KLHL13: variants seen among roughly 807,000 people sequenced by gnomAD.
KLHL13 encodes the protein kelch-like protein 13.
KLHL13 carries 10 observed loss-of-function variants against 37.1 expected under a neutral mutation model. The ratio of observed to expected loss-of-function variants is 0.27; its 90% CI spans 0.17 to 0.46. KLHL13 has a LOEUF of 0.46. KLHL13 is among the 20% of genes least tolerant of loss of function. KLHL13 has a pLI of 1.00. For synonymous variants in KLHL13, 163 were observed against 181.2 expected, an observed-to-expected ratio of 0.90 and a Z score of 0.81; for missense variants, 360 against 509.3, an observed-to-expected ratio of 0.71 and a Z score of 2.82.
intron 1 of KLHL13, among the ~76,000 whole-genome samples, chrX:117,987,134 G>T (rs2053736308): frequency 9.0e-6 from 1 of 111,623 alleles, no homozygotes; most frequent in Non-Finnish European, 1.9e-5. Flanking sequence ...AAATTCCAGG[G>T]AATCGATGAG....
At position 118,089,588 on chromosome X, in the gene KLHL13, A is replaced by AAGAGAGAG. The variant is rs199722513; in HGVS notation, c.-56+26912_-56+26919dup. On this transcript the variant is annotated intron_variant, in intron 1 of 6. Transcript: ENST00000371882. ...AAATAGAAGAAAGAAAAGAAAAGAA[A>AAGAGAGAG]AGAGAGAGAGAGAGAGAGAGAGAGA... is the stretch of plus-strand genomic sequence containing the variant. Among the ~76,000 whole-genome samples the AAGAGAGAG allele has an allele frequency of 3.7e-5, 3 of 80,148 alleles. No homozygotes were observed. In the East Asian group the frequency reaches 1.1e-3, roughly 29 times the overall value. 69.6% of individuals were successfully genotyped at this position (80,148 alleles called of 115,157 possible).
chrX:118,115,869 T>C (rs2055462667), intron 1 of KLHL13, among the ~76,000 whole-genome samples: 2 of 112,563 alleles, frequency 1.8e-5, no homozygotes, highest in Non-Finnish European at 3.8e-5. Context: ...GGCTATTTAG[T>C]GAAGGAATGA....
chrX:117,936,227 A>G (rs1246790575), intron 2 of KLHL13, among the ~76,000 whole-genome samples: 3 of 111,912 alleles, frequency 2.7e-5, no homozygotes, highest in African/African-American at 9.7e-5. Flanking sequence ...ACTTAAGCTA[A>G]CCTTAGTTAA....
chrX:118,027,217 C>A (rs1602663315), intron 1 of KLHL13, among the ~76,000 whole-genome samples: 4 of 111,705 alleles, frequency 3.6e-5, no homozygotes, highest in Middle Eastern at 4.6e-3. Context: ...GAAAGTCCTT[C>A]TTCACCATAA....
intron 1 of KLHL13, among the ~76,000 whole-genome samples, chrX:118,055,124 G>A (rs189088298): frequency 2.7e-4 from 30 of 111,630 alleles, no homozygotes; most frequent in African/African-American, 8.5e-4. Flanking sequence ...CTGAATAAAG[G>A]TAACAGTTTT....
At chrX:117,904,845 T>C (rs1930393455) in intron 5 of KLHL13, among the ~76,000 whole-genome samples, 1 of 111,564 alleles carries the variant, frequency 9.0e-6, no homozygotes, top group South Asian at 3.7e-4. Context: ...GCCCCTAATC[T>C]AGAGAATTAA....
At chrX:117,915,000 C>T (rs910955182) in intron 4 of KLHL13, among the ~76,000 whole-genome samples, 4 of 111,481 alleles carry the variant, frequency 3.6e-5, no homozygotes, top group African/African-American at 6.5e-5. Flanking sequence ...CCATAAGCAA[C>T]GGGGATGGCC....
chrX:117,922,026 T>C (rs1244323973), intron 2 of KLHL13, among the ~76,000 whole-genome samples: 1 of 112,135 alleles, frequency 8.9e-6, no homozygotes, highest in Non-Finnish European at 1.9e-5. Flanking sequence ...ACATTATATA[T>C]CCTATGCCAC....
chrX:118,005,597 G>T (rs965067147), intron 1 of KLHL13, among the ~76,000 whole-genome samples: 1 of 111,597 alleles, frequency 9.0e-6, no homozygotes, highest in African/African-American at 3.3e-5. Context: ...AGAGGTTCAA[G>T]TGAGGAGATG....
intron 1 of KLHL13, among the ~76,000 whole-genome samples, chrX:118,029,619 A>T (rs941007442): frequency 8.9e-6 from 1 of 112,503 alleles, no homozygotes; most frequent in African/African-American, 3.2e-5. Context: ...TGTTAATAAA[A>T]TCAATTTATT....
chrX:118,047,638 A>G (rs756076217), intron 1 of KLHL13, among the ~76,000 whole-genome samples: 3 of 112,188 alleles, frequency 2.7e-5, no homozygotes, highest in Non-Finnish European at 5.6e-5. Flanking sequence ...TAATAGAAAC[A>G]GGAAACAAAT....
intron 1 of KLHL13, among the ~76,000 whole-genome samples, chrX:118,067,356 G>A (rs987470352): frequency 8.9e-6 from 1 of 111,762 alleles, no homozygotes; most frequent in Non-Finnish European, 1.9e-5. Flanking sequence ...GAGTCAGTAA[G>A]TGAGTGGTAA....
intron 1 of KLHL13, among the ~76,000 whole-genome samples, chrX:118,049,293 G>A (rs1440904366): frequency 3.6e-5 from 4 of 111,500 alleles, no homozygotes; most frequent in African/African-American, 6.5e-5. Flanking sequence ...TGCTAAACAC[G>A]ACAAAATCAA....
chrX:118,088,712 A>G (rs2055082364), intron 1 of KLHL13, among the ~76,000 whole-genome samples: 1 of 112,158 alleles, frequency 8.9e-6, no homozygotes, highest in Non-Finnish European at 1.9e-5. Flanking sequence ...CTTACGAAAA[A>G]GTCAGCAAGG....
intron 1 of KLHL13, among the ~76,000 whole-genome samples, chrX:118,064,161 A>G (rs929758933): frequency 8.9e-6 from 1 of 111,984 alleles, no homozygotes; most frequent in African/African-American, 3.2e-5. Flanking sequence ...TTATGTAACT[A>G]TTACATAAAG....
At chrX:117,902,900 G>C (rs908315086) in intron 5 of KLHL13, among the ~76,000 whole-genome samples, 2 of 110,616 alleles carry the variant, frequency 1.8e-5, no homozygotes, top group African/African-American at 6.6e-5. Flanking sequence ...ACACTGCTTA[G>C]GGAAGCACTA....
chrX:117,928,913 T>G (rs1326026826), intron 2 of KLHL13, among the ~76,000 whole-genome samples: 3 of 111,336 alleles, frequency 2.7e-5, no homozygotes, highest in African/African-American at 9.8e-5. Flanking sequence ...TCTGAGAAGA[T>G]CCATAAATCT....
chrX:117,999,310 G>T (rs562431193), intron 1 of KLHL13, among the ~76,000 whole-genome samples: 5,258 of 110,967 alleles, frequency 0.047, 135 homozygotes, highest in Non-Finnish European at 0.076. Flanking sequence ...CCAACAATGA[G>T]AGACTGGATT....
chrX:118,046,517 G>C (rs1465679132), intron 1 of KLHL13, among the ~76,000 whole-genome samples: 1 of 111,752 alleles, frequency 8.9e-6, no homozygotes, highest in Non-Finnish European at 1.9e-5. Context: ...CAACTTAGTT[G>C]TACATTTTAA....
Sources: gnomAD v4.1 joint callset for allele counts (sites outside exome capture counted in the v4.1 genomes callset) on GRCh38, gnomAD v4.1.1 for gene constraint, MANE v1.5 for transcripts, NCBI Gene and HGNC (gene_info 2026-07-23, HGNC 2026-07-21) for gene names.